The following KLHL5 variants were observed in gnomAD, a reference collection of about 807,000 sequenced individuals.
KLHL5 encodes kelch like family member 5.
A neutral mutation model predicts 77.7 loss-of-function variants in KLHL5; 48 were observed. The observed-to-expected ratio is 0.62, with a 90% confidence interval of 0.49 to 0.79. KLHL5 has a LOEUF of 0.79. Ranked by LOEUF, KLHL5 falls within the 30% of genes least tolerant of loss-of-function variation. KLHL5 has a pLI of 0.00. For missense variants in KLHL5, 723 were observed against 859.7 expected (o/e 0.84, Z 1.99); for synonymous variants, 260 against 297.0 (o/e 0.88, Z 1.28).
At chr4:39,053,163 C>T (rs899232186) in intron 1 of KLHL5, among the ~76,000 whole-genome samples, 4 of 152,032 alleles carry the variant, frequency 2.6e-5, no homozygotes, top group African/African-American at 9.7e-5. Flanking sequence ...ACATTTTCTC[C>T]TCTTTATTGC....
rs143564580 is a variant in KLHL5 at position 39,103,613 on chromosome 4, G to A, written c.1525+102G>A. Reference sequence around the variant, plus strand: ...GACCCGTGTGGCAGCCACTGCGTCAGCAGCAGTCACCAAGCATTCCTCACA... The same window carrying A: ...GACCCGTGTGGCAGCCACTGCGTCAACAGCAGTCACCAAGCATTCCTCACA... On this transcript the variant is annotated intron_variant, in intron 7 of 10. Coordinates refer to ENST00000504108, the MANE Select transcript of KLHL5 (RefSeq NM_015990.5). The A allele has an allele frequency of 9.6e-5, 83 of 865,324 alleles. 1 individual carries two copies. The East Asian group carries it at 1.2e-3, about 13-fold the overall frequency. The allele number at this position is 865,324 out of a possible 1,614,324, so 53.6% of individuals were successfully genotyped here. A position where few individuals can be genotyped will look rare whatever the true frequency, so the allele number is the denominator to read the frequency against.
intron 2 of KLHL5, among the ~76,000 whole-genome samples, chr4:39,077,727 A>G (rs2109359871): frequency 6.6e-6 from 1 of 151,870 alleles, no homozygotes; most frequent in East Asian, 1.9e-4. Context: ...CAAACAAACA[A>G]AAAAACTAAA....
At chr4:39,095,479 T>C (rs1313314024) in intron 5 of KLHL5, among the ~76,000 whole-genome samples, 2 of 152,090 alleles carry the variant, frequency 1.3e-5, no homozygotes, top group Non-Finnish European at 2.9e-5. Flanking sequence ...ACATATATAC[T>C]TTGACCCACC....
rs774243780 is a variant in KLHL5 at position 39,086,540 on chromosome 4, A to G, written c.926A>G (p.Asn309Ser). Residue 309 changes from asparagine to serine, a missense_variant, in exon 5 of 11, where the codon AAC (asparagine) becomes AGC (serine). Physicochemically the swap from Asn to Ser is conservative, Grantham distance 46. This residue lies in a region of KLHL5 where 288 missense variants were observed against 400.3 expected (regional missense o/e 0.72). Coordinates refer to ENST00000504108, the MANE Select transcript of KLHL5 (RefSeq NM_015990.5). ...TMEHFMEVIR[N>S]QEFVLLPASE... ...GAGCATTTCATGGAAGTAATCAGAA[A>G]CCAGGAATTTGTATTATTACCAGCC... is the stretch of plus-strand genomic sequence containing the variant. The G allele has an allele frequency of 1.9e-5, 30 of 1,613,812 alleles. No individual in the cohort carries two copies. Among genetic ancestry groups the G allele is most frequent in the Non-Finnish European group, 2.5e-5 (29 of 1,179,850 alleles).
intron 1 of KLHL5, among the ~76,000 whole-genome samples, chr4:39,051,731 A>C (rs1294992618): frequency 1.4e-5 from 2 of 146,150 alleles, no homozygotes; most frequent in African/African-American, 5.2e-5. Flanking sequence ...ACAAACAAAC[A>C]AACCAGGTCC....
At chr4:39,077,312 A>T (rs1284539313) in intron 2 of KLHL5, among the ~76,000 whole-genome samples, 1 of 151,954 alleles carries the variant, frequency 6.6e-6, no homozygotes, top group African/African-American at 2.4e-5. Flanking sequence ...ACAAAAAAAA[A>T]TTAGCCGGGC....
intron 1 of KLHL5, among the ~76,000 whole-genome samples, chr4:39,046,218 A>G (rs1293074573): frequency 6.6e-6 from 1 of 152,200 alleles, no homozygotes; most frequent in Non-Finnish European, 1.5e-5. Context: ...TGCAATATGT[A>G]CAATATATAG....
At chr4:39,091,099 G>C (rs564566531) in intron 5 of KLHL5, among the ~76,000 whole-genome samples, 1 of 149,702 alleles carries the variant, frequency 6.7e-6, no homozygotes, top group Non-Finnish European at 1.5e-5. Flanking sequence ...AGCAATTCTC[G>C]TACCTCAGCC....
chr4:39,096,901 G>A (rs1302893210), intron 6 of KLHL5, 23 bp downstream of exon 6: 8 of 1,563,852 alleles, frequency 5.1e-6, no homozygotes, highest in Non-Finnish European at 7.0e-6. Flanking sequence ...CTTTTATTTG[G>A]GGAGGGAGGA....
rs1475543657 is a variant in KLHL5 at position 39,125,937 on chromosome 4, A to G, written c.*4871A>G. Reference sequence around the variant, plus strand: ...ACTAGGATAAAAACTTCGGATTTATATGCATCTGGAAGAGAAATTTTTCAC... The same window carrying G: ...ACTAGGATAAAAACTTCGGATTTATGTGCATCTGGAAGAGAAATTTTTCAC... On this transcript the variant is annotated 3_prime_UTR_variant, in exon 11 of 11. Transcript: ENST00000504108. Among the ~76,000 whole-genome samples the G allele has an allele frequency of 2.0e-5, 3 of 152,248 alleles. No homozygotes were observed. Among genetic ancestry groups the G allele is most frequent in the Non-Finnish European group, 4.4e-5 (3 of 68,042 alleles).
chr4:39,140,409 A>C, the KLHL5 span, among the ~76,000 whole-genome samples: 1 of 152,200 alleles, frequency 6.6e-6, no homozygotes, highest in Non-Finnish European at 1.5e-5. Flanking sequence ...TTTATAGATA[A>C]GTGTCTTTGT....
intron 5 of KLHL5, among the ~76,000 whole-genome samples, chr4:39,087,821 G>A (rs1210899190): frequency 6.6e-6 from 1 of 152,106 alleles, no homozygotes; most frequent in East Asian, 1.9e-4. Context: ...TTAATTTAAA[G>A]TGTCACAAAT....
In KLHL5 at chr4:39,125,855, T is replaced by C. The variant is rs2109648306; in HGVS notation, c.*4789T>C. Among the ~76,000 whole-genome samples, 1 of 152,342 alleles carries C rather than the reference T, an allele frequency of 6.6e-6. No individual in the cohort carries two copies. The highest frequency in any genetic ancestry group is 1.5e-5 in the Non-Finnish European group (1 of 68,046). ...TTACCATAATTTTTAAAAAGCTTTA[T>C]TAGCTACATTATGTTATGATACTTA... On this transcript the variant is annotated 3_prime_UTR_variant, in exon 11 of 11. Coordinates refer to ENST00000504108, the MANE Select transcript of KLHL5 (RefSeq NM_015990.5).
chr4:39,117,587 T>C (rs184947073), intron 10 of KLHL5, among the ~76,000 whole-genome samples: 2 of 152,150 alleles, frequency 1.3e-5, no homozygotes, highest in East Asian at 3.9e-4. Flanking sequence ...CTGGGTTGAA[T>C]TGGGAGGTGT....
chr4:39,137,935 C>T, the KLHL5 span, among the ~76,000 whole-genome samples: 2 of 152,138 alleles, frequency 1.3e-5, no homozygotes, highest in African/African-American at 2.4e-5. Context: ...CAAGAGAAGA[C>T]ATACATGCAC....
chr4:39,127,527 G>A (rs558879544), downstream of KLHL5, among the ~76,000 whole-genome samples: 12 of 152,130 alleles, frequency 7.9e-5, no homozygotes, highest in East Asian at 1.5e-3. Context: ...AGCTCACTAC[G>A]TCCACAACTT....
chr4:39,132,379 C>T, the KLHL5 span, among the ~76,000 whole-genome samples: 3 of 152,088 alleles, frequency 2.0e-5, no homozygotes, highest in Non-Finnish European at 4.4e-5. Context: ...AAAGCTGAGG[C>T]GGGTGAATCA....
chr4:39,095,766 C>A (rs1303737096), intron 5 of KLHL5, among the ~76,000 whole-genome samples: 1 of 151,302 alleles, frequency 6.6e-6, no homozygotes, highest in Non-Finnish European at 1.5e-5. Flanking sequence ...TTTCAGAAGA[C>A]CTGGAGGAAT....
the KLHL5 span, among the ~76,000 whole-genome samples, chr4:39,139,545 T>C: frequency 2.6e-5 from 4 of 152,046 alleles, no homozygotes; most frequent in African/African-American, 4.8e-5. Flanking sequence ...CTGTGGACTT[T>C]AGGTGATGAT....
Sources: gnomAD v4.1 joint callset for allele counts (sites outside exome capture counted in the v4.1 genomes callset) on GRCh38, gnomAD v4.1.1 for gene constraint, gnomAD v4.1.1 regional missense constraint, MANE v1.5 for transcripts, NCBI Gene and HGNC (gene_info 2026-07-23, HGNC 2026-07-21) for gene names.